The following BZW2 variants were observed in gnomAD, a reference collection of about 807,000 sequenced individuals.
BZW2 encodes the protein basic leucine zipper and W2 domains 2.
BZW2 carries 23 observed loss-of-function variants against 53.2 expected under a neutral mutation model. That is an observed-to-expected ratio of 0.43 (90% CI 0.31 to 0.61). The LOEUF is 0.61. Ranked by LOEUF, BZW2 falls within the 20% of genes least tolerant of loss-of-function variation. BZW2 has a pLI of 0.09. For synonymous variants in BZW2, 227 were observed against 186.4 expected (o/e 1.22, Z -1.77); for missense variants, 409 against 503.1 (o/e 0.81, Z 1.79).
chr7:16,683,174 C>T (rs941281605), intron 5 of BZW2, among the ~76,000 whole-genome samples: 5 of 152,030 alleles, frequency 3.3e-5, no homozygotes, highest in Admixed American at 2.0e-4. Flanking sequence ...CCAGCCTGGG[C>T]AACAGAGCAA....
intron 2 of BZW2, among the ~76,000 whole-genome samples, chr7:16,668,965 T>C (rs111615747): frequency 1.3e-5 from 2 of 152,196 alleles, no homozygotes; most frequent in Non-Finnish European, 2.9e-5. Context: ...TATGCTTTGC[T>C]AAATGAAACA....
intron 1 of BZW2, among the ~76,000 whole-genome samples, chr7:16,650,727 T>C (rs952370732): frequency 1.3e-5 from 2 of 152,226 alleles, no homozygotes; most frequent in Non-Finnish European, 2.9e-5. Context: ...AGAATACTTT[T>C]CATTCTTAAC....
chr7:16,673,762 A>G (rs143697590), intron 2 of BZW2, among the ~76,000 whole-genome samples: 2 of 152,268 alleles, frequency 1.3e-5, no homozygotes, highest in African/African-American at 4.8e-5. Context: ...TTGGAATCCT[A>G]ATTCCAAATG....
chr7:16,652,839 A>G (rs1441558406), intron 1 of BZW2, among the ~76,000 whole-genome samples: 1 of 152,174 alleles, frequency 6.6e-6, no homozygotes, highest in African/African-American at 2.4e-5. Context: ...CCTTTTTAAA[A>G]TGTATGATTC....
At chr7:16,661,864 G>A (rs1041646718) in intron 1 of BZW2, among the ~76,000 whole-genome samples, 7 of 152,094 alleles carry the variant, frequency 4.6e-5, no homozygotes, top group Non-Finnish European at 7.4e-5. Context: ...ATGATGCATA[G>A]GTTGTACCAC....
At chr7:16,690,673 C>T (rs758388782) in intron 7 of BZW2, among the ~76,000 whole-genome samples, 25 of 152,072 alleles carry the variant, frequency 1.6e-4, no homozygotes, top group Non-Finnish European at 3.5e-4. Flanking sequence ...ACAAGATTTC[C>T]CTGGAAATAC....
chr7:16,696,990 T>C lies in BZW2; in HGVS notation c.898T>C (p.Cys300Arg), dbSNP rs755277642. 1 of 1,614,014 alleles carries C rather than the reference T, an allele frequency of 6.2e-7. No individual in the cohort carries two copies. The highest frequency in any genetic ancestry group is 8.5e-7 in the Non-Finnish European group (1 of 1,180,002). ...AGCAGTGATTGGTCTTCTGTGGACA[T>C]GTATAATGAACGCTGTTGAGTGGAA... ...ETAVIGLLWT[C>R]IMNAVEWNKK... Residue 300 changes from cysteine (C) to arginine (R), a missense_variant, in exon 9 of 12, where the codon TGT becomes CGT. Around this residue, in one of 3 missense-constraint regions of BZW2, gnomAD observed 316 missense variants for 366.8 expected, o/e 0.86. Transcript: ENST00000258761.
At chr7:16,677,051 CT>C (rs10660587) in intron 3 of BZW2, among the ~76,000 whole-genome samples, 326 of 130,032 alleles carry the variant, frequency 2.5e-3, no homozygotes, top group Middle Eastern at 4.2e-3. Flanking sequence ...GCCCAGATTT[CT>C]TTTTTTTTTT....
intron 3 of BZW2, among the ~76,000 whole-genome samples, chr7:16,677,929 C>G (rs574125580): frequency 3.9e-5 from 6 of 152,014 alleles, no homozygotes; most frequent in Non-Finnish European, 7.4e-5. Context: ...TAGGGCCAAA[C>G]GTTTTGGTAT....
At chr7:16,677,913 A>G (rs1292501332) in intron 3 of BZW2, among the ~76,000 whole-genome samples, 1 of 152,124 alleles carries the variant, frequency 6.6e-6, no homozygotes, top group East Asian at 1.9e-4. Context: ...ACATTCAAGA[A>G]GAACATAGGG....
At chr7:16,698,669 TA>T (rs1378058522) in intron 10 of BZW2, among the ~76,000 whole-genome samples, 1 of 152,228 alleles carries the variant, frequency 6.6e-6, no homozygotes, top group African/African-American at 2.4e-5. Context: ...TGGCTATTTT[TA>T]GGTTTTCACA....
Position 16,694,959 on chromosome 7 carries a change from G to A in BZW2, c.777G>A (p.Gln259=). 2 of 1,597,112 alleles carry A rather than the reference G, an allele frequency of 1.3e-6. No individual in the cohort carries two copies. The highest frequency in any genetic ancestry group is 1.7e-6 in the Non-Finnish European group (2 of 1,166,724). The change falls in exon 8 of 12, where the codon CAG becomes CAA. Residue 259 remains glutamine (Q), a synonymous_variant. Transcript: ENST00000258761. The stretch of plus-strand genomic sequence containing the variant: ...CCCTGGGCACCAGGAAGGAACTGCA[G>A]AAGGAGCTCCAGGAGCGTCTTTCTC... ...QQSLGTRKEL[Q]KELQERLSQE... is the part of the protein sequence containing the mutation.
Position 16,674,473 on chromosome 7 carries a change from G to C in BZW2, c.120G>C (p.Glu40Asp). Reference protein sequence around the residue: ...FRDTLVQGLNEAGDDLEAVAK... With the variant: ...FRDTLVQGLNDAGDDLEAVAK... Reference sequence around the variant, plus strand: ...ATACACTTGTCCAGGGGCTTAATGAGGCTGGTGATGACCTTGAAGCTGTAG... The same window carrying C: ...ATACACTTGTCCAGGGGCTTAATGACGCTGGTGATGACCTTGAAGCTGTAG... The change falls in exon 3 of 12, where the codon GAG becomes GAC. Residue 40 changes from glutamate to aspartate, a missense_variant. This residue lies in a region of BZW2 where 316 missense variants were observed against 366.8 expected (regional missense o/e 0.86). Transcript: ENST00000258761. 1 of 1,613,436 alleles carries C rather than the reference G, an allele frequency of 6.2e-7. No individual in the cohort carries two copies. The highest frequency in any genetic ancestry group is 8.5e-7 in the Non-Finnish European group (1 of 1,179,560).
chr7:16,674,449 T>C lies in BZW2; in HGVS notation c.96T>C (p.Asp32=). The C allele has an allele frequency of 6.2e-7, 1 of 1,610,638 alleles. No homozygotes were observed. ...KEKFEPTVFR[D]TLVQGLNEAG... The stretch of plus-strand genomic sequence containing the variant: ...AATTCGAACCCACAGTCTTCAGGGA[T>C]ACACTTGTCCAGGGGCTTAATGAGG... Residue 32 remains aspartate (D), a synonymous_variant, in exon 3 of 12, where the codon GAT becomes GAC. Transcript: ENST00000258761.
chr7:16,689,681 G>T, intron 6 of BZW2, 116 bp from the exon 7 acceptor site: 1 of 745,592 alleles, frequency 1.3e-6, no homozygotes, highest in Non-Finnish European at 2.1e-6. Context: ...CTTTTCATTT[G>T]TACCAAAATT....
At chr7:16,702,761 A>G (rs958608950) in intron 10 of BZW2, among the ~76,000 whole-genome samples, 3 of 152,204 alleles carry the variant, frequency 2.0e-5, no homozygotes, top group African/African-American at 7.2e-5. Flanking sequence ...GTGTGGAGAA[A>G]AAAAACAATT....
intron 1 of BZW2, among the ~76,000 whole-genome samples, chr7:16,662,771 A>G (rs1782304679): frequency 6.6e-6 from 1 of 152,024 alleles, no homozygotes; most frequent in Non-Finnish European, 1.5e-5. Flanking sequence ...AGAGAGAGAG[A>G]AAAAAGGAAG....
At chr7:16,689,180 C>G (rs186588664) in intron 6 of BZW2, among the ~76,000 whole-genome samples, 11 of 152,204 alleles carry the variant, frequency 7.2e-5, no homozygotes, top group African/African-American at 2.6e-4. Context: ...GAGCCGAGAT[C>G]GTGCTACTTC....
At chr7:16,672,199 C>A (rs1022558513) in intron 2 of BZW2, among the ~76,000 whole-genome samples, 21 of 152,108 alleles carry the variant, frequency 1.4e-4, no homozygotes, top group African/African-American at 5.1e-4. Context: ...CAGCCATGTA[C>A]TTGGAAACAA....
Sources: gnomAD v4.1 joint callset for allele counts (sites outside exome capture counted in the v4.1 genomes callset) on GRCh38, gnomAD v4.1.1 for gene constraint, gnomAD v4.1.1 regional missense constraint, MANE v1.5 for transcripts, NCBI Gene and HGNC (gene_info 2026-07-23, HGNC 2026-07-21) for gene names.